Variants in PDLIM5 observed in about 807,000 individuals in gnomAD.
The protein encoded by PDLIM5 is PDZ and LIM domain protein 5.
A neutral mutation model predicts 64.2 loss-of-function variants in PDLIM5; 34 were observed. The ratio of observed to expected loss-of-function variants is 0.53; its 90% CI spans 0.40 to 0.71. The LOEUF (loss-of-function observed/expected upper bound fraction) is 0.71, where lower values mean the gene tolerates loss of function less well. PDLIM5 is among the 30% of genes least tolerant of loss of function. The pLI is 0.00. For synonymous variants in PDLIM5, 253 were observed against 269.1 expected (o/e 0.94, Z 0.59); for missense variants, 683 against 733.6 (o/e 0.93, Z 0.80).
At chr4:94,619,887 C>CATTG (rs1288339067) in intron 8 of PDLIM5, among the ~76,000 whole-genome samples, 1 of 152,124 alleles carries the variant, frequency 6.6e-6, no homozygotes, top group Admixed American at 6.5e-5. Flanking sequence ...CTTCCCAAAG[C>CATTG]ATTGGGATTA....
intron 2 of PDLIM5, among the ~76,000 whole-genome samples, chr4:94,510,360 G>C (rs1728760799): frequency 6.6e-6 from 1 of 151,910 alleles, no homozygotes; most frequent in Admixed American, 6.6e-5. Context: ...TGCACACCAT[G>C]TTTTTTTCCA....
chr4:94,605,668 T>C (rs1377931302), intron 7 of PDLIM5, among the ~76,000 whole-genome samples: 2 of 152,168 alleles, frequency 1.3e-5, no homozygotes, highest in African/African-American at 4.8e-5. Context: ...GGCTAAGCAA[T>C]GAAGAGATAA....
At chr4:94,552,889 G>A (rs901893377) in intron 3 of PDLIM5, among the ~76,000 whole-genome samples, 5 of 151,992 alleles carry the variant, frequency 3.3e-5, no homozygotes, top group African/African-American at 1.2e-4. Flanking sequence ...ACTCTAGAAG[G>A]GGCAGGGCAA....
chr4:94,575,864 T>C lies in PDLIM5; in HGVS notation c.540T>C (p.His180=), dbSNP rs746066905. The C allele has an allele frequency of 1.2e-6, 2 of 1,614,076 alleles. No individual in the cohort carries two copies. Among genetic ancestry groups the C allele is most frequent in the African/African-American group, 1.3e-5 (1 of 74,928 alleles). ...CCCTGTTCGCTGCATCTGGACTGCATGCTAATGCCAATCTTAGTGCTGACC... is the reference window on the plus strand; with the variant it reads ...CCCTGTTCGCTGCATCTGGACTGCACGCTAATGCCAATCTTAGTGCTGACC... The part of the protein sequence containing the change: ...TPPLFAASGL[H]ANANLSADQS... The change falls in exon 5 of 13, where the codon CAT becomes CAC. Residue 180 remains histidine (H), a synonymous_variant. Transcript: ENST00000317968.
chr4:94,667,560 G>A lies in PDLIM5; in HGVS notation c.*3493G>A, dbSNP rs1743136264. ...AAATACTACACCATTTTCTATAAGGGACTTGAACATCATGGACTTTAGTAT... is the reference window on the plus strand; with the variant it reads ...AAATACTACACCATTTTCTATAAGGAACTTGAACATCATGGACTTTAGTAT... On this transcript the variant is annotated 3_prime_UTR_variant, in exon 13 of 13. Coordinates refer to ENST00000317968, the MANE Select transcript of PDLIM5 (RefSeq NM_006457.5). The A allele has an allele frequency of 6.6e-6, 1 of 152,096 alleles. No homozygotes were observed. 9.4% of individuals were successfully genotyped at this position (152,096 alleles called of 1,614,324 possible).
chr4:94,540,241 T>C (rs1275551848), intron 3 of PDLIM5, among the ~76,000 whole-genome samples: 1 of 151,662 alleles, frequency 6.6e-6, no homozygotes, highest in Non-Finnish European at 1.5e-5. Context: ...CACGCCATTC[T>C]CCTGCCTCAG....
At chr4:94,658,748 G>A (rs1208137095) in intron 11 of PDLIM5, among the ~76,000 whole-genome samples, 4 of 152,196 alleles carry the variant, frequency 2.6e-5, no homozygotes, top group Non-Finnish European at 5.9e-5. Context: ...ATTCCAGACT[G>A]TCTCCCAGGA....
chr4:94,592,043 C>T (rs1163387167), intron 7 of PDLIM5, among the ~76,000 whole-genome samples: 1 of 152,198 alleles, frequency 6.6e-6, no homozygotes, highest in Non-Finnish European at 1.5e-5. Context: ...TAAGGGAGGA[C>T]TGAAAGTCAT....
chr4:94,500,046 T>C lies in PDLIM5; in HGVS notation c.97-23678T>C, dbSNP rs142392028. On this transcript the variant is annotated intron_variant, in intron 2 of 12. Coordinates refer to ENST00000317968, the MANE Select transcript of PDLIM5 (RefSeq NM_006457.5). ...TAAGGGACTTGAGCACCTGTAGAATTTTGTATCTGCAGGGGGTCTTGGAAC... is the reference window on the plus strand; with the variant it reads ...TAAGGGACTTGAGCACCTGTAGAATCTTGTATCTGCAGGGGGTCTTGGAAC... 2.2e-3 allele frequency among the ~76,000 whole-genome samples: 332 copies of C among 152,330 alleles called. 2 individuals carry two copies. Among genetic ancestry groups the C allele is most frequent in the African/African-American group, 7.2e-3 (299 of 41,566 alleles).
At chr4:94,500,576 C>T (rs539508509) in intron 2 of PDLIM5, among the ~76,000 whole-genome samples, 10 of 152,116 alleles carry the variant, frequency 6.6e-5, no homozygotes, top group African/African-American at 1.7e-4. Flanking sequence ...TTGAGAATTC[C>T]GGTCTTTATT....
intron 7 of PDLIM5, chr4:94,586,953 C>T: frequency 7.9e-7 from 1 of 1,268,196 alleles, no homozygotes; most frequent in Non-Finnish European, 1.1e-6. Flanking sequence ...ACTCTTCTAT[C>T]ACTCTTTTTT....
chr4:94,639,765 ATTTACC>A (rs536517849), intron 8 of PDLIM5, among the ~76,000 whole-genome samples: 113 of 152,288 alleles, frequency 7.4e-4, no homozygotes, highest in Middle Eastern at 6.8e-3. Context: ...CACCTTCAAT[ATTTACC>A]TTAACCATGT....
intron 7 of PDLIM5, among the ~76,000 whole-genome samples, chr4:94,586,809 C>T (rs1460781443): frequency 6.6e-6 from 1 of 152,190 alleles, no homozygotes. Context: ...GGATTAATTG[C>T]TATATTTCTA....
rs147911720 is a variant in PDLIM5 at position 94,631,150 on chromosome 4, A to C, written c.1109-9126A>C. On this transcript the variant is annotated intron_variant, in intron 8 of 12. Transcript: ENST00000317968. ...ACTCCTAGCCTCAAGTGAGCCTCCT[A>C]CCTCAGTTTCCCAAAGTGCAGGGAT... Among the ~76,000 whole-genome samples the C allele has an allele frequency of 5.1e-3, 765 of 149,488 alleles. 4 individuals carry two copies. Among genetic ancestry groups the C allele is most frequent in the African/African-American group, 0.018 (716 of 40,516 alleles).
intron 2 of PDLIM5, among the ~76,000 whole-genome samples, chr4:94,495,317 C>T (rs557362764): frequency 6.6e-5 from 10 of 152,062 alleles, no homozygotes; most frequent in South Asian, 6.2e-4. Flanking sequence ...TATTTGTTTC[C>T]GAGTTTTATA....
chr4:94,637,273 C>T (rs1442659712), intron 8 of PDLIM5, among the ~76,000 whole-genome samples: 1 of 152,042 alleles, frequency 6.6e-6, no homozygotes, highest in African/African-American at 2.4e-5. Flanking sequence ...AGAATAGTGC[C>T]TTCAAGATCA....
At chr4:94,542,838 A>G (rs1731943092) in intron 3 of PDLIM5, among the ~76,000 whole-genome samples, 1 of 152,196 alleles carries the variant, frequency 6.6e-6, no homozygotes, top group Non-Finnish European at 1.5e-5. Context: ...GAGAAAAATT[A>G]TTAAAACAAA....
chr4:94,586,398 T>C lies in PDLIM5; in HGVS notation c.884-10T>C, dbSNP rs763137916. The stretch of plus-strand genomic sequence containing the variant: ...CAAACTAATATTGGATATTGCTTAT[T>C]ATATTTCAGTGAAAGAATCTGAAGC... On this transcript the variant is annotated splice_polypyrimidine_tract_variant and intron_variant, in intron 6 of 12. Coordinates refer to ENST00000317968, the MANE Select transcript of PDLIM5 (RefSeq NM_006457.5). 27 of 1,443,000 alleles carry C rather than the reference T, an allele frequency of 1.9e-5. No individual in the cohort carries two copies. The highest frequency in any genetic ancestry group is 2.6e-5 in the Non-Finnish European group (27 of 1,030,162). The allele number at this position is 1,443,000 out of a possible 1,614,324, so 89.4% of individuals were successfully genotyped here. A position where few individuals can be genotyped will look rare whatever the true frequency, so the allele number is the denominator to read the frequency against.
At chr4:94,467,293 T>G in intron 2 of PDLIM5, among the ~76,000 whole-genome samples, 1 of 152,034 alleles carries the variant, frequency 6.6e-6, no homozygotes, top group Non-Finnish European at 1.5e-5. Flanking sequence ...TGTACCTGAT[T>G]GATAGAATTA....
Sources: allele counts gnomAD v4.1 joint callset (sites outside exome capture counted in the v4.1 genomes callset), GRCh38; gene constraint gnomAD v4.1.1; transcripts MANE v1.5; gene names NCBI Gene and HGNC (gene_info 2026-07-23, HGNC 2026-07-21).